BICRAL: variants seen among roughly 807,000 people sequenced by gnomAD.
BICRAL encodes BRD4-interacting chromatin-remodeling complex-associated protein-like.
A neutral mutation model predicts 91.8 loss-of-function variants in BICRAL; 8 were observed. The observed-to-expected ratio is 0.09, with a 90% CI of 0.05 to 0.16. The LOEUF is 0.16. BICRAL is among the 10% of genes least tolerant of loss of function. The probability of loss-of-function intolerance (pLI) is 1.00; values close to 1 mark genes in which losing one functional copy is unlikely to be tolerated. For missense variants in BICRAL, 1,038 were observed against 1,310.9 expected (o/e 0.79, Z 3.21); for synonymous variants, 445 against 491.1 (o/e 0.91, Z 1.24).
chr6:42,795,830 C>G (rs1053149829), intron 1 of BICRAL, among the ~76,000 whole-genome samples: 1 of 152,152 alleles, frequency 6.6e-6, no homozygotes, highest in Non-Finnish European at 1.5e-5. Context: ...ACTATCTACT[C>G]TGAAATAAAA....
intron 1 of BICRAL, among the ~76,000 whole-genome samples, chr6:42,772,122 T>C (rs1219348814): frequency 1.3e-5 from 2 of 152,134 alleles, no homozygotes; most frequent in Admixed American, 6.5e-5. Flanking sequence ...CCTCCATTAG[T>C]GAATCATGAA....
At chr6:42,811,626 A>G (rs1376818060) in intron 2 of BICRAL, among the ~76,000 whole-genome samples, 1 of 151,400 alleles carries the variant, frequency 6.6e-6, no homozygotes, top group Non-Finnish European at 1.5e-5. Flanking sequence ...TCTCAAAGAA[A>G]AAAAAAAAAA....
rs903736414 is a variant in BICRAL at position 42,868,019 on chromosome 6, C to T, written c.*2573C>T. ...CAACATTCAGTTGTTCAGGTTCATT[C>T]GTCAAAGTTAAGTTTTAGAACTATT... On this transcript the variant is annotated 3_prime_UTR_variant, in exon 13 of 13. Transcript: ENST00000314073. The T allele has an allele frequency of 1.3e-5, 2 of 151,918 alleles. No individual in the cohort carries two copies. Among genetic ancestry groups the T allele is most frequent in the Non-Finnish European group, 2.9e-5 (2 of 67,962 alleles). The allele number at this position is 151,918 out of a possible 1,614,324, so 9.4% of individuals were successfully genotyped here.
At chr6:42,804,641 A>G (rs1582831605) in intron 1 of BICRAL, among the ~76,000 whole-genome samples, 1 of 152,288 alleles carries the variant, frequency 6.6e-6, no homozygotes, top group Non-Finnish European at 1.5e-5. Context: ...GGGGACATCA[A>G]GTGGTCAAGG....
Position 42,798,815 on chromosome 6 carries a change from G to A in BICRAL, c.-101-11491G>A, listed in dbSNP as rs181671674. ...TTTTTATTACTGCTCCTTGCGGAGC[G>A]TGGCTACCCCATAGGCAGCATGCCC... is the stretch of plus-strand genomic sequence containing the variant. On this transcript the variant is annotated intron_variant, in intron 1 of 12. Transcript: ENST00000314073. Among the ~76,000 whole-genome samples, 409 of 152,302 alleles carry A rather than the reference G, an allele frequency of 2.7e-3. 2 individuals are homozygous for A. The highest frequency in any genetic ancestry group is 5.4e-3 in the South Asian group (26 of 4,832).
intron 6 of BICRAL, among the ~76,000 whole-genome samples, chr6:42,838,029 C>G (rs1764690922): frequency 6.6e-6 from 1 of 152,324 alleles, no homozygotes; most frequent in Admixed American, 6.5e-5. Context: ...TCTATAGTCT[C>G]TATGTGTATG....
intron 1 of BICRAL, among the ~76,000 whole-genome samples, chr6:42,766,239 G>A (rs1410025648): frequency 1.3e-5 from 2 of 152,188 alleles, no homozygotes; most frequent in East Asian, 3.8e-4. Flanking sequence ...TGTGTCATCA[G>A]TCTCAAGTTT....
chr6:42,803,471 G>T (rs1353734697), intron 1 of BICRAL, among the ~76,000 whole-genome samples: 1 of 152,172 alleles, frequency 6.6e-6, no homozygotes, highest in Non-Finnish European at 1.5e-5. Flanking sequence ...CCCAAATCCT[G>T]TGCTGTACCA....
intron 1 of BICRAL, among the ~76,000 whole-genome samples, chr6:42,759,847 C>T (rs903956669): frequency 2.0e-5 from 3 of 152,180 alleles, no homozygotes; most frequent in Non-Finnish European, 2.9e-5. Flanking sequence ...ACAGGTATCT[C>T]TTCTGCAGCT....
At position 42,793,296 on chromosome 6, in the gene BICRAL, ATTTTTTTTTTTTT is replaced by A. The variant is rs35332872; in HGVS notation, c.-102+11212_-102+11224del. Among the ~76,000 whole-genome samples the A allele has an allele frequency of 2.4e-3, 55 of 22,976 alleles. 2 individuals carry two copies. Among genetic ancestry groups the A allele is most frequent in the African/African-American group, 9.2e-3 (48 of 5,236 alleles). 15.1% of individuals were successfully genotyped at this position (22,976 alleles called of 152,430 possible). A position where few individuals can be genotyped will look rare whatever the true frequency, so the allele number is the denominator to read the frequency against. ...GTAGCTGGGATTACAGACCCAGCTA[ATTTTTTTTTTTTT>A]TTTTTTTTTTTTTTTTGTATTTTTA... is the stretch of plus-strand genomic sequence containing the variant. On this transcript the variant is annotated intron_variant, in intron 1 of 12. Coordinates refer to ENST00000314073, the MANE Select transcript of BICRAL (RefSeq NM_001393499.1).
chr6:42,785,043 T>G (rs992358485), intron 1 of BICRAL, among the ~76,000 whole-genome samples: 1 of 152,184 alleles, frequency 6.6e-6, no homozygotes, highest in Non-Finnish European at 1.5e-5. Context: ...TTTCAGTAGT[T>G]TTTTGCTCAC....
Position 42,860,262 on chromosome 6 carries a change from TG to T in BICRAL, c.2257del (p.Asp753ThrfsTer12). 2 of 1,571,864 alleles carry T rather than the reference TG, an allele frequency of 1.3e-6. No individual in the cohort carries two copies. Among genetic ancestry groups the T allele is most frequent in the Non-Finnish European group, 1.8e-6 (2 of 1,142,438 alleles). On this transcript the variant is annotated frameshift_variant and splice_region_variant, in exon 11 of 13. Coordinates refer to ENST00000314073, the MANE Select transcript of BICRAL (RefSeq NM_001393499.1). LOFTEE classifies it high-confidence loss of function. ...SMPTEEDLRK[V>X]DNEFETVATQ... Reference sequence around the variant, plus strand: ...TTTCTTTGTCTCTCTCTTTTTAAAGTGGACAATGAATTTGAGACAGTTGCCA... The same window carrying T: ...TTTCTTTGTCTCTCTCTTTTTAAAGTGACAATGAATTTGAGACAGTTGCCA...
chr6:42,857,614 A>AAAAAAAAAAAAATATATATATATATAT, intron 10 of BICRAL, among the ~76,000 whole-genome samples: 2 of 96,242 alleles, frequency 2.1e-5, no homozygotes, highest in African/African-American at 1.3e-4. Context: ...AAAAAAAAAA[A>AAAAAAAAAAAAATATATATATATATAT]ATATATATAT....
intron 6 of BICRAL, among the ~76,000 whole-genome samples, chr6:42,844,251 C>A (rs1764910053): frequency 6.7e-6 from 1 of 150,110 alleles, no homozygotes; most frequent in Non-Finnish European, 1.5e-5. Flanking sequence ...GTGGCTCACG[C>A]CTGTAATCCC....
At chr6:42,853,523 TAAAG>T in intron 7 of BICRAL, 111 bp from the exon 8 acceptor site, 4 of 722,642 alleles carry the variant, frequency 5.5e-6, no homozygotes, top group Non-Finnish European at 9.7e-6. Flanking sequence ...GCAGCCATGA[TAAAG>T]AAACCCGTTT....
intron 5 of BICRAL, among the ~76,000 whole-genome samples, chr6:42,827,280 A>C (rs552886753): frequency 6.6e-6 from 1 of 152,310 alleles, no homozygotes; most frequent in East Asian, 1.9e-4. Context: ...AGTTCTTTTT[A>C]ATAGTCACGT....
At chr6:42,753,180 C>G (rs2894483) in intron 1 of BICRAL, among the ~76,000 whole-genome samples, 23,874 of 151,516 alleles carry the variant, frequency 0.16, 2,100 homozygotes, top group African/African-American at 0.23. Flanking sequence ...ATCCACCTCA[C>G]CCTCCCAAGG....
At chr6:42,763,526 A>G (rs187086680) in intron 1 of BICRAL, among the ~76,000 whole-genome samples, 1 of 152,276 alleles carries the variant, frequency 6.6e-6, no homozygotes, top group Admixed American at 6.5e-5. Context: ...AAATACTACA[A>G]ACCAGTGTTT....
chr6:42,766,713 C>A (rs530634436), intron 1 of BICRAL, among the ~76,000 whole-genome samples: 1 of 151,842 alleles, frequency 6.6e-6, no homozygotes, highest in Non-Finnish European at 1.5e-5. Context: ...GTGGTGAGCA[C>A]CAGTAATCCG....
Sources: gnomAD v4.1 joint callset for allele counts (sites outside exome capture counted in the v4.1 genomes callset) on GRCh38, gnomAD v4.1.1 for gene constraint, MANE v1.5 for transcripts, NCBI Gene and HGNC (gene_info 2026-07-23, HGNC 2026-07-21) for gene names.